DIS3L2: variants seen among roughly 807,000 people sequenced by gnomAD.
DIS3L2 encodes the protein DIS3-like exonuclease 2.
Under a neutral mutation model 97.5 loss-of-function variants are expected in DIS3L2, and 34 were observed. That is an observed-to-expected ratio of 0.35 (90% CI 0.27 to 0.46). The LOEUF is 0.46. DIS3L2 is among the 20% of genes least tolerant of loss of function. The pLI is 1.00. For synonymous variants in DIS3L2, 435 were observed against 445.2 expected, an observed-to-expected ratio of 0.98 and a Z score of 0.29; for missense variants, 1,038 against 1,146.0, an observed-to-expected ratio of 0.91 and a Z score of 1.36.
Position 232,238,571 on chromosome 2 carries a change from T to C in DIS3L2, c.1243T>C (p.Tyr415His). The C allele has an allele frequency of 6.2e-7, 1 of 1,614,212 alleles. No individual in the cohort carries two copies. The highest frequency in any genetic ancestry group is 8.5e-7 in the Non-Finnish European group (1 of 1,180,022). ...GGGAGTTCACATTGCTGACGTGAGT[T>C]ACTTTGTTCCGGAGGGATCTGATCT... is the stretch of plus-strand genomic sequence containing the variant. ...KVGVHIADVS[Y>H]FVPEGSDLDK... Residue 415 changes from tyrosine to histidine, a missense_variant, in exon 11 of 21, where the codon TAC (tyrosine) becomes CAC (histidine). Transcript: ENST00000325385.
At chr2:232,089,764 T>G (rs1696781748) in intron 6 of DIS3L2, among the ~76,000 whole-genome samples, 1 of 152,162 alleles carries the variant, frequency 6.6e-6, no homozygotes, top group Non-Finnish European at 1.5e-5. Context: ...GATCTCTCAT[T>G]AGTGGTTGGT....
intron 6 of DIS3L2, among the ~76,000 whole-genome samples, chr2:232,117,595 A>C (rs1249398195): frequency 6.6e-6 from 1 of 152,114 alleles, no homozygotes; most frequent in African/African-American, 2.4e-5. Flanking sequence ...GATGAGCTTT[A>C]ATGACTCTCT....
chr2:232,257,934 C>A (rs1693608149), intron 12 of DIS3L2, among the ~76,000 whole-genome samples: 2 of 152,176 alleles, frequency 1.3e-5, no homozygotes, highest in African/African-American at 4.8e-5. Flanking sequence ...CTGGTCTTGG[C>A]CGCCACTTAG....
chr2:232,296,796 C>T (rs1694735978), intron 13 of DIS3L2, among the ~76,000 whole-genome samples: 1 of 152,162 alleles, frequency 6.6e-6, no homozygotes, highest in Non-Finnish European at 1.5e-5. Context: ...CAGACTAATA[C>T]AGTAGGCATT....
At chr2:232,130,751 A>G (rs1163465774) in intron 7 of DIS3L2, 32 bp downstream of exon 7, 1 of 1,611,720 alleles carries the variant, frequency 6.2e-7, no homozygotes. Context: ...CCACGTGTCC[A>G]AATGGCTTTC....
At chr2:232,312,275 G>T (rs992683424) in intron 14 of DIS3L2, among the ~76,000 whole-genome samples, 3 of 152,120 alleles carry the variant, frequency 2.0e-5, no homozygotes, top group Non-Finnish European at 4.4e-5. Flanking sequence ...TATTCTAAAA[G>T]AATCTACTTA....
rs1302276446 is a variant in DIS3L2, at chr2:232,208,688, C to A, written c.1125-1638C>A. Among the ~76,000 whole-genome samples, 6 of 152,112 alleles carry A rather than the reference C, an allele frequency of 3.9e-5. No homozygotes were observed. In the East Asian group the frequency reaches 1.2e-3, roughly 29 times the overall value. Reference sequence around the variant, plus strand: ...TTAATTTTTGTTGCTAAATACTGTTCCATTTTGGGGGTATACCACAGTCTG... The same window carrying A: ...TTAATTTTTGTTGCTAAATACTGTTACATTTTGGGGGTATACCACAGTCTG... On this transcript the variant is annotated intron_variant, in intron 9 of 20. Transcript: ENST00000325385.
In DIS3L2 at chr2:232,336,668, T is replaced by C. The variant is rs574770575; in HGVS notation, c.*38T>C. The C allele has an allele frequency of 2.0e-5, 31 of 1,550,394 alleles. No individual in the cohort carries two copies. Among genetic ancestry groups the C allele is most frequent in the South Asian group, 2.3e-5 (2 of 85,874 alleles). ...GCCTGCCCCGCCTGCCCCGCCTGCC[T>C]GTCCCGCCACACTGGCTTTAGGACC... On this transcript the variant is annotated 3_prime_UTR_variant, in exon 21 of 21. Coordinates refer to ENST00000325385, the MANE Select transcript of DIS3L2 (RefSeq NM_152383.5).
intron 14 of DIS3L2, 28 bp from the exon 15 acceptor site, chr2:232,329,785 T>TGCCCGGGGCCCCCCC: frequency 2.1e-6 from 2 of 967,140 alleles, no homozygotes; most frequent in East Asian, 3.1e-5. Flanking sequence ...ACCCCAGCGG[T>TGCCCGGGGCCCCCCC]CCCTCCCATC....
chr2:232,297,741 C>T (rs528803635), intron 13 of DIS3L2, among the ~76,000 whole-genome samples: 150 of 144,832 alleles, frequency 1.0e-3, no homozygotes, highest in African/African-American at 3.7e-3. Context: ...CTCGCTATGT[C>T]GCCCAGGCTG....
intron 12 of DIS3L2, among the ~76,000 whole-genome samples, chr2:232,257,358 T>A (rs1174381582): frequency 6.6e-6 from 1 of 152,174 alleles, no homozygotes; most frequent in East Asian, 1.9e-4. Flanking sequence ...CTCTGCTCTC[T>A]TCCAGCCCGT....
chr2:232,288,572 C>T (rs1347472759), intron 13 of DIS3L2, among the ~76,000 whole-genome samples: 1 of 152,192 alleles, frequency 6.6e-6, no homozygotes, highest in Non-Finnish European at 1.5e-5. Flanking sequence ...CTGCTGGCTC[C>T]CCGCTTGGGG....
At chr2:232,027,969 G>A (rs1406795148) in intron 4 of DIS3L2, among the ~76,000 whole-genome samples, 1 of 152,168 alleles carries the variant, frequency 6.6e-6, no homozygotes, top group Non-Finnish European at 1.5e-5. Flanking sequence ...AAAAAGCACA[G>A]TTTCTATTCT....
intron 6 of DIS3L2, among the ~76,000 whole-genome samples, chr2:232,114,547 T>C (rs945661522): frequency 3.3e-5 from 5 of 152,114 alleles, no homozygotes; most frequent in African/African-American, 9.7e-5. Context: ...AGTGGGCAAT[T>C]GGAAATAGAA....
At chr2:232,081,994 TG>T (rs891044897) in intron 5 of DIS3L2, among the ~76,000 whole-genome samples, 33 of 152,252 alleles carry the variant, frequency 2.2e-4, no homozygotes, top group African/African-American at 8.0e-4. Context: ...TTCGCCATGC[TG>T]GCCAGGCTGG....
intron 6 of DIS3L2, among the ~76,000 whole-genome samples, chr2:232,125,771 A>G (rs542649240): frequency 3.3e-5 from 5 of 152,300 alleles, no homozygotes; most frequent in South Asian, 2.1e-4. Context: ...TAGAATGATC[A>G]TAAGCACTCG....
chr2:232,232,532 GAC>G (rs1469017356), intron 10 of DIS3L2, among the ~76,000 whole-genome samples: 1 of 152,148 alleles, frequency 6.6e-6, no homozygotes, highest in African/African-American at 2.4e-5. Flanking sequence ...ATGATTGATC[GAC>G]ACAGGCCTGA....
intron 5 of DIS3L2, among the ~76,000 whole-genome samples, chr2:232,086,763 T>G (rs1389751142): frequency 6.7e-6 from 1 of 149,566 alleles, no homozygotes; most frequent in African/African-American, 2.5e-5. Flanking sequence ...CGCTGCAAGC[T>G]CCGCCTCCTG....
chr2:232,191,340 G>A (rs921848402), intron 9 of DIS3L2, among the ~76,000 whole-genome samples: 5 of 152,166 alleles, frequency 3.3e-5, no homozygotes, highest in African/African-American at 9.7e-5. Context: ...TTCATCTTTC[G>A]AGGGTGGATT....
Sources: gnomAD v4.1 joint callset for allele counts (sites outside exome capture counted in the v4.1 genomes callset) on GRCh38, gnomAD v4.1.1 for gene constraint, MANE v1.5 for transcripts, NCBI Gene and HGNC (gene_info 2026-07-23, HGNC 2026-07-21) for gene names.